The following LIMK2 variants were observed in gnomAD, a reference collection of about 807,000 sequenced individuals.
The protein encoded by LIMK2 is LIM domain kinase 2.
A neutral mutation model predicts 75.7 loss-of-function variants in LIMK2; 35 were observed. That is an observed-to-expected ratio of 0.46 (90% CI 0.35 to 0.61). The LOEUF (loss-of-function observed/expected upper bound fraction) is 0.61. Ranked by LOEUF, LIMK2 falls within the 20% of genes least tolerant of loss-of-function variation. The probability of loss-of-function intolerance (pLI) is 0.00; values close to 1 mark genes in which losing one functional copy is unlikely to be tolerated. For synonymous variants in LIMK2, 301 were observed against 319.2 expected (o/e 0.94, Z 0.61); for missense variants, 623 against 831.0 (o/e 0.75, Z 3.08).
At position 31,278,338 on chromosome 22, in the gene LIMK2, C is replaced by G. The variant is rs149034313; in HGVS notation, c.1814C>G (p.Ser605Cys). The G allele has an allele frequency of 3.7e-3, 5,996 of 1,613,902 alleles. 124 individuals carry two copies. In the South Asian group the frequency reaches 0.04, roughly 11 times the overall value. ...TTGGAGGACTCCTTTGAGGCCCTCTCCCTGTACCTGGGGGAGCTGGGCATC... is the reference window on the plus strand; with the variant it reads ...TTGGAGGACTCCTTTGAGGCCCTCTGCCTGTACCTGGGGGAGCTGGGCATC... ...SKLEDSFEALSLYLGELGIPL... is the reference protein window; with the variant it reads ...SKLEDSFEALCLYLGELGIPL... The change falls in exon 16 of 16, where the codon TCC (serine) becomes TGC (cysteine). Residue 605 changes from serine (S) to cysteine (C), a missense_variant. Transcript: ENST00000331728.
intron 10 of LIMK2, 57 bp from the exon 11 acceptor site, chr22:31,268,087 T>G: frequency 6.3e-7 from 1 of 1,576,992 alleles, no homozygotes; most frequent in Non-Finnish European, 8.7e-7. Context: ...CCATGGGGCC[T>G]GGACCACGAG....
rs1328036603 is a variant in LIMK2, at chr22:31,268,028, G to C, written c.1261-116G>C. 2.0e-6 allele frequency: 3 copies of C among 1,532,060 alleles called. No homozygotes were observed. In the African/African-American group the frequency reaches 4.1e-5, roughly 21 times the overall value. The allele number at this position is 1,532,060 out of a possible 1,614,324, so 94.9% of individuals were successfully genotyped here. ...GCTTTGCCTCCAAAGGACCATGCTGGGTGGGACTGAGCATACACAGGGAGG... is the reference window on the plus strand; with the variant it reads ...GCTTTGCCTCCAAAGGACCATGCTGCGTGGGACTGAGCATACACAGGGAGG... On this transcript the variant is annotated intron_variant, in intron 10 of 15. Coordinates refer to ENST00000331728, the MANE Select transcript of LIMK2 (RefSeq NM_005569.4).
At position 31,267,814 on chromosome 22, in the gene LIMK2, C is replaced by G; in HGVS notation, c.1167C>G (p.Leu389=). ...VMRSLDHPNV[L]KFIGVLYKDK... ...GCAGCCTGGACCACCCCAATGTGCT[C>G]AAGTTCATTGGTGTGCTGTACAAGG... The change falls in exon 10 of 16, where the codon CTC becomes CTG. Residue 389 remains leucine, a synonymous_variant. Transcript: ENST00000331728. The G allele has an allele frequency of 6.2e-7, 1 of 1,612,102 alleles. No individual in the cohort carries two copies. The highest frequency in any genetic ancestry group is 8.5e-7 in the Non-Finnish European group (1 of 1,179,216).
chr22:31,213,847 GCT>G (rs2048368690), intron 1 of LIMK2, among the ~76,000 whole-genome samples: 1 of 135,722 alleles, frequency 7.4e-6, no homozygotes, highest in East Asian at 2.0e-4. Flanking sequence ...ATGGAGTCTT[GCT>G]CTGTCGCCCA....
At chr22:31,260,181 C>CCTG in intron 5 of LIMK2, 104 bp downstream of exon 5, 1 of 945,658 alleles carries the variant, frequency 1.1e-6, no homozygotes, top group Non-Finnish European at 1.5e-6. Context: ...TCCCTTTATT[C>CCTG]TCATCTCATA....
chr22:31,272,003 T>G (rs370194042), intron 12 of LIMK2, among the ~76,000 whole-genome samples: 1 of 152,250 alleles, frequency 6.6e-6, no homozygotes, highest in South Asian at 2.1e-4. Flanking sequence ...GGGAGTCTGC[T>G]GTGCACAGAT....
chr22:31,270,891 G>T (rs2048949819), intron 11 of LIMK2, among the ~76,000 whole-genome samples: 1 of 152,202 alleles, frequency 6.6e-6, no homozygotes, highest in Admixed American at 6.5e-5. Context: ...GCCAGCCACT[G>T]TGCTAGTGAT....
chr22:31,244,476 T>C (rs546495349), intron 2 of LIMK2, among the ~76,000 whole-genome samples: 6 of 152,274 alleles, frequency 3.9e-5, no homozygotes, highest in African/African-American at 1.4e-4. Flanking sequence ...GCCCTTTCAG[T>C]ATCCCGTATG....
chr22:31,233,851 A>G (rs2048548881), intron 2 of LIMK2, among the ~76,000 whole-genome samples: 1 of 151,982 alleles, frequency 6.6e-6, no homozygotes, highest in Admixed American at 6.6e-5. Context: ...TTATCTCTAA[A>G]TTATATTTTG....
intron 2 of LIMK2, among the ~76,000 whole-genome samples, chr22:31,233,968 C>T (rs2048549961): frequency 1.3e-5 from 2 of 152,166 alleles, no homozygotes; most frequent in South Asian, 4.1e-4. Flanking sequence ...CTCTGCACCC[C>T]CTAATCTGTT....
intron 4 of LIMK2, 36 bp downstream of exon 4, chr22:31,259,266 T>C: frequency 7.4e-7 from 1 of 1,354,520 alleles, no homozygotes; most frequent in Non-Finnish European, 1.1e-6. Context: ...CTCTCCCATA[T>C]AAGAGTGGCT....
rs375979824 is a variant in LIMK2 at position 31,275,131 on chromosome 22, G to T, written c.1615-20G>T. 48 of 1,613,296 alleles carry T rather than the reference G, an allele frequency of 3.0e-5. No homozygotes were observed. Among genetic ancestry groups the T allele is most frequent in the Non-Finnish European group, 4.0e-5 (47 of 1,179,416 alleles). Reference sequence around the variant, plus strand: ...TGGCCTCTGTAGTCCTTTGTAAACAGCTGTCTTCTTACCCTACAGATCATT... The same window carrying T: ...TGGCCTCTGTAGTCCTTTGTAAACATCTGTCTTCTTACCCTACAGATCATT... On this transcript the variant is annotated intron_variant, in intron 14 of 15. Transcript: ENST00000331728.
chr22:31,272,437 C>G, intron 12 of LIMK2, 93 bp from the exon 13 acceptor site: 2 of 1,208,890 alleles, frequency 1.7e-6, no homozygotes, highest in East Asian at 4.8e-5. Context: ...CCTTTTCTCC[C>G]CTTCTCAGTG....
chr22:31,237,782 T>A (rs1392763715), intron 2 of LIMK2, among the ~76,000 whole-genome samples: 2 of 151,958 alleles, frequency 1.3e-5, no homozygotes, highest in Admixed American at 6.6e-5. Flanking sequence ...AAAGAAGTAG[T>A]TATTTTTTTC....
rs1227499062 is a variant in LIMK2 at position 31,223,406 on chromosome 22, T to C, written c.17-2314T>C. On this transcript the variant is annotated intron_variant, in intron 1 of 15. Coordinates refer to ENST00000331728, the MANE Select transcript of LIMK2 (RefSeq NM_005569.4). Reference sequence around the variant, plus strand: ...ATAGAAATCATTCAGAGCCAAGAGATTGAATTGTTGAGTAAGTGGGTGGTC... The same window carrying C: ...ATAGAAATCATTCAGAGCCAAGAGACTGAATTGTTGAGTAAGTGGGTGGTC... Among the ~76,000 whole-genome samples the C allele has an allele frequency of 2.0e-5, 3 of 152,190 alleles. 1 individual carries two copies. In the South Asian group the frequency reaches 6.2e-4, roughly 32 times the overall value.
intron 15 of LIMK2, among the ~76,000 whole-genome samples, chr22:31,277,913 A>T (rs2049048685): frequency 6.6e-6 from 1 of 152,208 alleles, no homozygotes; most frequent in South Asian, 2.1e-4. Flanking sequence ...ACATTTAAGC[A>T]TAAACATGGA....
chr22:31,260,059 C>A lies in LIMK2; in HGVS notation c.533C>A (p.Thr178Asn). 2 of 1,587,938 alleles carry A rather than the reference C, an allele frequency of 1.3e-6. No homozygotes were observed. Among genetic ancestry groups the A allele is most frequent in the Non-Finnish European group, 1.7e-6 (2 of 1,170,456 alleles). ...GAGAGTGCCTGCTCCAACTACGCCA[C>A]CACTGTGCAAGTGAAAGAGTAAGTA... Reference protein sequence around the residue: ...SVESACSNYATTVQVKEVNRM... With the variant: ...SVESACSNYANTVQVKEVNRM... The change falls in exon 5 of 16, where the codon ACC (threonine) becomes AAC (asparagine). Residue 178 changes from threonine to asparagine, a missense_variant. Around this residue, in one of 3 missense-constraint regions of LIMK2, gnomAD observed 514 missense variants for 661.3 expected, o/e 0.78. Coordinates refer to ENST00000331728, the MANE Select transcript of LIMK2 (RefSeq NM_005569.4).
In LIMK2 at chr22:31,279,903, C is replaced by T. The variant is rs1348207973; in HGVS notation, c.*1462C>T. 1 of 152,190 alleles carries T rather than the reference C, an allele frequency of 6.6e-6. No individual in the cohort carries two copies. Among genetic ancestry groups the T allele is most frequent in the Non-Finnish European group, 1.5e-5 (1 of 68,064 alleles). 9.4% of individuals were successfully genotyped at this position (152,190 alleles called of 1,614,324 possible). On this transcript the variant is annotated 3_prime_UTR_variant, in exon 16 of 16. Coordinates refer to ENST00000331728, the MANE Select transcript of LIMK2 (RefSeq NM_005569.4). The stretch of plus-strand genomic sequence containing the variant: ...GAGTTTACTTGCTATATAGACTGTA[C>T]TTATGTGTGAAGTTTGCAAGCTTGC...
In LIMK2 at chr22:31,276,638, G is replaced by A. The variant is rs2049024048; in HGVS notation, c.1772+1330G>A. The A allele has an allele frequency of 1.0e-5, 10 of 993,510 alleles. No homozygotes were observed. The Admixed American group carries it at 2.4e-4, about 24-fold the overall frequency. 61.5% of individuals were successfully genotyped at this position (993,510 alleles called of 1,614,324 possible). On this transcript the variant is annotated intron_variant, in intron 15 of 15. Transcript: ENST00000331728. ...TGAGCCAGCCGGCGGGCGTCACGGA[G>A]GCGGCGGCACAAGGAGGGGCCCCAC...
Sources: allele counts gnomAD v4.1 joint callset (sites outside exome capture counted in the v4.1 genomes callset), GRCh38; gene constraint gnomAD v4.1.1; regional missense constraint gnomAD v4.1.1; transcripts MANE v1.5; gene names NCBI Gene and HGNC (gene_info 2026-07-23, HGNC 2026-07-21).